Variants in SNTG1 observed in about 807,000 individuals in gnomAD.
SNTG1 encodes the protein gamma-1-syntrophin.
A neutral mutation model predicts 74.7 loss-of-function variants in SNTG1; 39 were observed. The observed-to-expected ratio is 0.52, with a 90% CI of 0.40 to 0.68. SNTG1 has a LOEUF of 0.68. Among genes scored for constraint, SNTG1 ranks in the 30% least tolerant of loss-of-function variants. The pLI is 0.00. For synonymous variants in SNTG1, 254 were observed against 217.1 expected, an observed-to-expected ratio of 1.17 and a Z score of -1.49; for missense variants, 685 against 609.5, an observed-to-expected ratio of 1.12 and a Z score of -1.30.
intron 12 of SNTG1, among the ~76,000 whole-genome samples, chr8:50,587,288 T>C (rs1433003464): frequency 6.6e-6 from 1 of 152,034 alleles, no homozygotes; most frequent in Non-Finnish European, 1.5e-5. Context: ...TGCATAAAAC[T>C]GCCTTGAAAT....
At chr8:50,761,723 T>C (rs2095599551) in intron 18 of SNTG1, among the ~76,000 whole-genome samples, 1 of 152,056 alleles carries the variant, frequency 6.6e-6, no homozygotes, top group East Asian at 2.0e-4. Flanking sequence ...AAAAGCACCA[T>C]TCCAATCACA....
intron 1 of SNTG1, among the ~76,000 whole-genome samples, chr8:50,012,317 G>A (rs1815892062): frequency 6.6e-6 from 1 of 151,904 alleles, no homozygotes; most frequent in African/African-American, 2.4e-5. Context: ...TGGATATCGG[G>A]GCTGTTGTAT....
intron 4 of SNTG1, among the ~76,000 whole-genome samples, chr8:50,428,531 A>C (rs2093193025): frequency 6.6e-6 from 1 of 152,216 alleles, no homozygotes. Flanking sequence ...AGGAATATTT[A>C]AATTTTAAAT....
intron 18 of SNTG1, among the ~76,000 whole-genome samples, chr8:50,786,988 T>A (rs1008690211): frequency 1.1e-4 from 17 of 151,936 alleles, no homozygotes; most frequent in African/African-American, 3.9e-4. Context: ...ATAGACAAAT[T>A]GGACTTTTTC....
chr8:50,633,429 G>A (rs1293558849), intron 13 of SNTG1, among the ~76,000 whole-genome samples: 2 of 152,172 alleles, frequency 1.3e-5, no homozygotes, highest in Admixed American at 6.5e-5. Context: ...CAGTGGAATA[G>A]TTAGAACTTT....
At chr8:50,185,753 T>G (rs892063207) in intron 2 of SNTG1, among the ~76,000 whole-genome samples, 5 of 152,258 alleles carry the variant, frequency 3.3e-5, no homozygotes, top group African/African-American at 1.2e-4. Context: ...TATCTATTAA[T>G]GTACATTTCT....
At chr8:50,175,123 T>G (rs1254794455) in intron 2 of SNTG1, among the ~76,000 whole-genome samples, 1 of 152,136 alleles carries the variant, frequency 6.6e-6, no homozygotes, top group Admixed American at 6.5e-5. Context: ...TGTTGGACAT[T>G]TGGGTTGGTT....
intron 1 of SNTG1, among the ~76,000 whole-genome samples, chr8:49,982,019 A>T (rs1349306838): frequency 6.6e-6 from 1 of 152,176 alleles, no homozygotes; most frequent in Non-Finnish European, 1.5e-5. Flanking sequence ...ATCTATGGAG[A>T]AAACAATAGC....
chr8:50,348,510 C>G, intron 2 of SNTG1, among the ~76,000 whole-genome samples: 1 of 152,160 alleles, frequency 6.6e-6, no homozygotes, highest in East Asian at 1.9e-4. Context: ...TCATATAAGT[C>G]ATTTGACCTG....
At chr8:50,617,594 G>T (rs1486533706) in intron 13 of SNTG1, among the ~76,000 whole-genome samples, 1 of 152,162 alleles carries the variant, frequency 6.6e-6, no homozygotes, top group African/African-American at 2.4e-5. Flanking sequence ...AGGAAGGGGT[G>T]TATTCGGCCT....
chr8:50,509,392 G>C (rs951952771), intron 9 of SNTG1, among the ~76,000 whole-genome samples: 1 of 152,116 alleles, frequency 6.6e-6, no homozygotes, highest in Non-Finnish European at 1.5e-5. Context: ...TTGACTTGGC[G>C]ATGCGGACTC....
Position 50,248,672 on chromosome 8 carries a change from C to G in SNTG1, c.-28+76037C>G, listed in dbSNP as rs4873439. On this transcript the variant is annotated intron_variant, in intron 2 of 18. Transcript: ENST00000642720. ...ATCTAGATATATCCAGAGACCACCA[C>G]AAAAATAAGGTACAGAATACACGGC... is the stretch of plus-strand genomic sequence containing the variant. 9.9e-5 allele frequency among the ~76,000 whole-genome samples: 15 copies of G among 151,850 alleles called. 1 individual carries two copies. Among genetic ancestry groups the G allele is most frequent in the African/African-American group, 3.1e-4 (13 of 41,408 alleles).
At chr8:50,244,350 G>A (rs1209919110) in intron 2 of SNTG1, among the ~76,000 whole-genome samples, 1 of 152,100 alleles carries the variant, frequency 6.6e-6, no homozygotes, top group East Asian at 1.9e-4. Context: ...GTCTGAGAAG[G>A]CTTTTAGTAA....
At chr8:50,107,459 T>C (rs1419429036) in intron 1 of SNTG1, among the ~76,000 whole-genome samples, 1 of 152,206 alleles carries the variant, frequency 6.6e-6, no homozygotes, top group Non-Finnish European at 1.5e-5. Flanking sequence ...ATTTAATAAC[T>C]AGAATTAATT....
At chr8:49,925,136 G>T (rs1333372293) in intron 1 of SNTG1, among the ~76,000 whole-genome samples, 2 of 152,040 alleles carry the variant, frequency 1.3e-5, no homozygotes, top group Non-Finnish European at 2.9e-5. Flanking sequence ...CTAAGCAACA[G>T]AACCAGTACC....
chr8:50,628,927 G>A (rs968215038), intron 13 of SNTG1, among the ~76,000 whole-genome samples: 13 of 152,006 alleles, frequency 8.6e-5, no homozygotes, highest in Admixed American at 5.2e-4. Context: ...TAGTGAATTC[G>A]TCTCTTGCTC....
At chr8:49,927,809 A>T (rs912925088) in intron 1 of SNTG1, among the ~76,000 whole-genome samples, 3 of 152,036 alleles carry the variant, frequency 2.0e-5, no homozygotes, top group Non-Finnish European at 4.4e-5. Flanking sequence ...ACCTAGAGAG[A>T]ACCATAATGT....
chr8:50,688,897 T>C (rs979442497), intron 15 of SNTG1, among the ~76,000 whole-genome samples: 58 of 152,064 alleles, frequency 3.8e-4, no homozygotes, highest in African/African-American at 8.7e-4. Context: ...GAGCATGGAA[T>C]GTTCTCCCAT....
chr8:50,293,154 G>T (rs1248020624), intron 2 of SNTG1, among the ~76,000 whole-genome samples: 4 of 152,278 alleles, frequency 2.6e-5, no homozygotes, highest in East Asian at 1.9e-4. Context: ...GTCTGCTAGG[G>T]TTATCATAGC....
Sources: allele counts gnomAD v4.1 joint callset (sites outside exome capture counted in the v4.1 genomes callset), GRCh38; gene constraint gnomAD v4.1.1; transcripts MANE v1.5; gene names NCBI Gene and HGNC (gene_info 2026-07-23, HGNC 2026-07-21).